ELP3: variants seen among roughly 807,000 people sequenced by gnomAD.
ELP3 encodes elongator complex protein 3.
ELP3 carries 56 observed loss-of-function variants against 74.9 expected under a neutral mutation model. That is an observed-to-expected ratio of 0.75 (90% CI 0.60 to 0.93). The LOEUF is 0.93. Among genes scored for constraint, ELP3 ranks in the 40% least tolerant of loss-of-function variants. The pLI, the probability that ELP3 is intolerant of heterozygous loss-of-function variation, is 0.00. For synonymous variants in ELP3, 222 were observed against 239.8 expected, an observed-to-expected ratio of 0.93 and a Z score of 0.68; for missense variants, 573 against 686.5, an observed-to-expected ratio of 0.83 and a Z score of 1.85.
intron 10 of ELP3, 138 bp downstream of exon 10, chr8:28,138,029 TAGGG>T: frequency 1.3e-6 from 1 of 796,062 alleles, no homozygotes; most frequent in African/African-American, 1.8e-5. Flanking sequence ...TATCTGTAAA[TAGGG>T]AGGGATGGAA....
intron 13 of ELP3, 94 bp downstream of exon 13, chr8:28,160,550 G>A (rs1814035710): frequency 9.1e-7 from 1 of 1,093,244 alleles, no homozygotes; most frequent in Non-Finnish European, 1.3e-6. Flanking sequence ...AAGAGGCAGA[G>A]GAGCAGGAGA....
chr8:28,188,502 G>A (rs1049088830), intron 14 of ELP3, among the ~76,000 whole-genome samples: 2 of 152,154 alleles, frequency 1.3e-5, no homozygotes, highest in Non-Finnish European at 2.9e-5. Flanking sequence ...TGGAAATGGA[G>A]TTAGTAATTG....
chr8:28,163,449 T>C (rs922141426), intron 14 of ELP3, among the ~76,000 whole-genome samples: 5 of 151,774 alleles, frequency 3.3e-5, no homozygotes, highest in Non-Finnish European at 7.4e-5. Context: ...ATTATGAAAA[T>C]GTAATGACTC....
At chr8:28,108,084 T>C (rs1345868870) in intron 5 of ELP3, 108 bp downstream of exon 5, 5 of 907,168 alleles carry the variant, frequency 5.5e-6, no homozygotes, top group Non-Finnish European at 8.3e-6. Context: ...TGTTTTTGTT[T>C]TTTTCTGATT....
chr8:28,152,374 A>G (rs971033251), intron 10 of ELP3, among the ~76,000 whole-genome samples: 1 of 152,264 alleles, frequency 6.6e-6, no homozygotes, highest in African/African-American at 2.4e-5. Flanking sequence ...CTTATCAGAT[A>G]CATGATTTAC....
intron 14 of ELP3, among the ~76,000 whole-genome samples, chr8:28,162,424 C>G (rs1290531553): frequency 6.6e-6 from 1 of 152,146 alleles, no homozygotes; most frequent in African/African-American, 2.4e-5. Flanking sequence ...GAGTGTTTCT[C>G]ACTGTTGTGG....
In ELP3 at chr8:28,160,250, T is replaced by C; in HGVS notation, c.1279T>C (p.Tyr427His). ...ATAGGTTGAATTGGTAAGGAGAGAT[T>C]ATGTTGCAAATGGTGGCTGGGAAAC... ...PYQVELVRRDYVANGGWETFL... is the reference protein window; with the variant it reads ...PYQVELVRRDHVANGGWETFL... The change falls in exon 13 of 15, where the codon TAT becomes CAT. Residue 427 changes from tyrosine (Y) to histidine (H), a missense_variant. By Grantham distance (83) the Tyr-to-His change is moderately conservative (BLOSUM62 2). Coordinates refer to ENST00000256398, the MANE Select transcript of ELP3 (RefSeq NM_018091.6). 1 of 1,614,158 alleles carries C rather than the reference T, an allele frequency of 6.2e-7. No individual in the cohort carries two copies. The highest frequency in any genetic ancestry group is 2.2e-5 in the East Asian group (1 of 44,870).
intron 13 of ELP3, 44 bp from the exon 14 acceptor site, chr8:28,161,953 T>C: frequency 6.3e-7 from 1 of 1,599,276 alleles, no homozygotes; most frequent in East Asian, 2.2e-5. Flanking sequence ...CTTAATGAAC[T>C]TCCTTCCTTT....
In ELP3 at chr8:28,132,293, G is replaced by A; in HGVS notation, c.795G>A (p.Lys265=). The change falls in exon 9 of 15, where the codon AAG becomes AAA. Residue 265 remains lysine (K), a synonymous_variant. Coordinates refer to ENST00000256398, the MANE Select transcript of ELP3 (RefSeq NM_018091.6). The part of the protein sequence containing the change: ...ARDTNRGHTV[K]AVCESFHLAK... ...CTTTCCTTAGGGGCCACACTGTGAA[G>A]GCAGTGTGTGAGTCATTTCACCTGG... is the stretch of plus-strand genomic sequence containing the variant. 6.2e-7 allele frequency: 1 copy of A among 1,614,068 alleles called. No individual in the cohort carries two copies. The highest frequency in any genetic ancestry group is 8.5e-7 in the Non-Finnish European group (1 of 1,179,942).
chr8:28,171,049 C>T (rs1234753304), intron 14 of ELP3, among the ~76,000 whole-genome samples: 1 of 152,158 alleles, frequency 6.6e-6, no homozygotes, highest in Non-Finnish European at 1.5e-5. Context: ...AATAATATTC[C>T]ATTACATGTA....
chr8:28,120,432 G>C (rs1812323272), intron 7 of ELP3, among the ~76,000 whole-genome samples: 1 of 152,148 alleles, frequency 6.6e-6, no homozygotes, highest in African/African-American at 2.4e-5. Context: ...TTAGGTGGTT[G>C]TATATCCTAG....
chr8:28,164,068 G>A (rs957630792), intron 14 of ELP3, among the ~76,000 whole-genome samples: 6 of 152,184 alleles, frequency 3.9e-5, no homozygotes, highest in Non-Finnish European at 7.3e-5. Flanking sequence ...TCTGGTGTCT[G>A]TGGGAACCTA....
intron 7 of ELP3, among the ~76,000 whole-genome samples, chr8:28,125,140 A>G (rs1181231778): frequency 6.6e-6 from 1 of 152,204 alleles, no homozygotes; most frequent in African/African-American, 2.4e-5. Flanking sequence ...AAGGAGTTAC[A>G]CCAATAACTC....
chr8:28,139,569 A>G (rs1813140421), intron 10 of ELP3, among the ~76,000 whole-genome samples: 1 of 152,216 alleles, frequency 6.6e-6, no homozygotes. Flanking sequence ...GAACATGTAT[A>G]GATTTTTTTT....
At chr8:28,163,761 T>G (rs1046293975) in intron 14 of ELP3, among the ~76,000 whole-genome samples, 11 of 152,130 alleles carry the variant, frequency 7.2e-5, no homozygotes, top group Non-Finnish European at 2.9e-5. Context: ...CACCTGAAAT[T>G]TCCATGGCCC....
intron 10 of ELP3, among the ~76,000 whole-genome samples, chr8:28,140,204 A>G (rs747031949): frequency 7.9e-5 from 12 of 151,856 alleles, no homozygotes; most frequent in Non-Finnish European, 1.3e-4. Flanking sequence ...GCTGGTTTCT[A>G]GATCTTGGTC....
chr8:28,103,142 C>T (rs1186313712), intron 3 of ELP3, among the ~76,000 whole-genome samples: 2 of 152,122 alleles, frequency 1.3e-5, no homozygotes, highest in Non-Finnish European at 2.9e-5. Flanking sequence ...TGCACTCCAG[C>T]CTGGGTGACA....
rs371789579 is a variant in ELP3, at chr8:28,123,943, C to CT, written c.618-5548dup. Among the ~76,000 whole-genome samples the CT allele has an allele frequency of 1.4e-3, 206 of 144,564 alleles. 4 individuals are homozygous for CT. The Middle Eastern group carries it at 0.052, about 36-fold the overall frequency. The allele number at this position is 144,564 out of a possible 152,430, so 94.8% of individuals were successfully genotyped here. On this transcript the variant is annotated intron_variant, in intron 7 of 14. Coordinates refer to ENST00000256398, the MANE Select transcript of ELP3 (RefSeq NM_018091.6). The stretch of plus-strand genomic sequence containing the variant: ...AGACAGAAGTCTACAGTAATTGGCT[C>CT]TTTTTTTTTTTATCCATTTTGCTCG...
At chr8:28,111,310 C>G (rs1318338051) in intron 6 of ELP3, among the ~76,000 whole-genome samples, 2 of 152,128 alleles carry the variant, frequency 1.3e-5, no homozygotes, top group Non-Finnish European at 2.9e-5. Flanking sequence ...TGTACATGAC[C>G]TTGCAGTGTT....
Sources: allele counts gnomAD v4.1 joint callset (sites outside exome capture counted in the v4.1 genomes callset), GRCh38; gene constraint gnomAD v4.1.1; transcripts MANE v1.5; gene names NCBI Gene and HGNC (gene_info 2026-07-23, HGNC 2026-07-21).